WWOX: variants seen among roughly 807,000 people sequenced by gnomAD.
WWOX encodes WW domain-containing oxidoreductase.
WWOX carries 69 observed loss-of-function variants against 46.2 expected under a neutral mutation model. The ratio of observed to expected loss-of-function variants is 1.49; its 90% confidence interval spans 1.23 to 1.82. The LOEUF (loss-of-function observed/expected upper bound fraction) is 1.82, where lower values mean the gene tolerates loss of function less well. Among genes scored for constraint, WWOX ranks in the 40% most tolerant of loss-of-function variants. The probability of loss-of-function intolerance (pLI) is 0.00; values close to 1 mark genes in which losing one functional copy is unlikely to be tolerated. For missense variants in WWOX, 919 were observed against 542.6 expected, an observed-to-expected ratio of 1.69 and a Z score of -6.89; for synonymous variants, 359 against 202.6, an observed-to-expected ratio of 1.77 and a Z score of -6.56.
intron 8 of WWOX, chr16:79,078,078 A>T (rs1567534531): frequency 6.6e-6 from 1 of 151,954 alleles, no homozygotes; most frequent in African/African-American, 2.4e-5. Flanking sequence ...CCCTCCCCAG[A>T]TTTTTTTTAG....
chr16:78,188,801 A>C (rs1232976668), intron 5 of WWOX, among the ~76,000 whole-genome samples: 1 of 152,140 alleles, frequency 6.6e-6, no homozygotes, highest in African/African-American at 2.4e-5. Flanking sequence ...AAATCGTATC[A>C]GTGGTTTTCC....
chr16:78,757,101 C>T (rs1183112513), intron 8 of WWOX: 3 of 693,092 alleles, frequency 4.3e-6, no homozygotes, highest in African/African-American at 3.5e-5. Flanking sequence ...TTGACTGGAA[C>T]TTTATTTGAG....
At chr16:78,385,608 C>G (rs11643643) in intron 5 of WWOX, among the ~76,000 whole-genome samples, 62,737 of 152,050 alleles carry the variant, frequency 0.41, 16,828 homozygotes, top group Non-Finnish European at 0.6. Context: ...GATAAACCAG[C>G]TGCAATTACG....
intron 8 of WWOX, among the ~76,000 whole-genome samples, chr16:78,466,693 C>A (rs934990081): frequency 2.0e-5 from 3 of 151,998 alleles, no homozygotes; most frequent in African/African-American, 7.2e-5. Context: ...ACTATAAATA[C>A]AAAAATTAGC....
At chr16:78,965,234 C>A (rs770707563) in intron 8 of WWOX, among the ~76,000 whole-genome samples, 2 of 152,150 alleles carry the variant, frequency 1.3e-5, no homozygotes, top group Admixed American at 1.3e-4. Context: ...GTAACAATTC[C>A]ACAGAGATAG....
intron 5 of WWOX, among the ~76,000 whole-genome samples, chr16:78,377,759 G>A (rs1013363036): frequency 6.6e-6 from 1 of 152,172 alleles, no homozygotes; most frequent in Non-Finnish European, 1.5e-5. Context: ...GCCAATTACT[G>A]TCTAAGCATT....
chr16:78,887,669 G>C (rs2044496781), intron 8 of WWOX, among the ~76,000 whole-genome samples: 1 of 152,120 alleles, frequency 6.6e-6, no homozygotes, highest in Non-Finnish European at 1.5e-5. Flanking sequence ...CCATAAAATA[G>C]TGCATTTGAA....
chr16:78,496,158 C>G (rs959472298), intron 8 of WWOX: 4 of 152,152 alleles, frequency 2.6e-5, no homozygotes, highest in Non-Finnish European at 5.9e-5. Context: ...GTTCAGATTC[C>G]CCTAAATCTT....
intron 4 of WWOX, among the ~76,000 whole-genome samples, chr16:78,157,208 C>T (rs577757199): frequency 6.6e-6 from 1 of 152,254 alleles, no homozygotes; most frequent in South Asian, 2.1e-4. Flanking sequence ...GTCCCGGGCT[C>T]CCAAATGCAG....
chr16:78,115,017 C>G lies in WWOX; in HGVS notation c.272C>G (p.Ala91Gly). The change falls in exon 4 of 9, where the codon GCG becomes GGG. Residue 91 changes from alanine (A) to glycine (G), a missense_variant. Transcript: ENST00000566780. ...ACCACCTACTTGGACCCAAGACTGGCGTTTACTGTGGATGATAATCCGACC... is the reference window on the plus strand; with the variant it reads ...ACCACCTACTTGGACCCAAGACTGGGGTTTACTGTGGATGATAATCCGACC... ...KRTTYLDPRL[A>G]FTVDDNPTKP... 6.2e-7 allele frequency: 1 copy of G among 1,614,190 alleles called. No individual in the cohort carries two copies. Among genetic ancestry groups the G allele is most frequent in the Non-Finnish European group, 8.5e-7 (1 of 1,180,044 alleles).
chr16:78,629,037 C>G (rs1032503647), intron 8 of WWOX, among the ~76,000 whole-genome samples: 6 of 152,056 alleles, frequency 3.9e-5, no homozygotes, highest in Admixed American at 2.0e-4. Context: ...GATTTTTAAC[C>G]CAATAGACCA....
At chr16:78,411,141 C>G (rs183800932) in intron 6 of WWOX, among the ~76,000 whole-genome samples, 1 of 152,136 alleles carries the variant, frequency 6.6e-6, no homozygotes, top group Non-Finnish European at 1.5e-5. Context: ...TAGTTAGAAA[C>G]AAATTCCTAG....
chr16:78,675,667 T>C (rs921292657), intron 8 of WWOX, among the ~76,000 whole-genome samples: 15 of 152,088 alleles, frequency 9.9e-5, no homozygotes, highest in Admixed American at 7.9e-4. Flanking sequence ...AAAAAATAAA[T>C]TAAATTTTTA....
At chr16:79,139,615 C>CT (rs1302171050) in intron 8 of WWOX, among the ~76,000 whole-genome samples, 2 of 151,520 alleles carry the variant, frequency 1.3e-5, no homozygotes, top group South Asian at 4.2e-4. Context: ...TCTTTCTTTT[C>CT]TTTTTTTAAG....
chr16:79,090,315 G>GTGTC (rs1214972335), intron 8 of WWOX, among the ~76,000 whole-genome samples: 2 of 150,644 alleles, frequency 1.3e-5, no homozygotes, highest in Non-Finnish European at 3.0e-5. Context: ...GTGTGTGTGT[G>GTGTC]TGTGATATAA....
At chr16:78,726,473 A>T (rs1021773278) in intron 8 of WWOX, among the ~76,000 whole-genome samples, 2 of 151,894 alleles carry the variant, frequency 1.3e-5, no homozygotes, top group African/African-American at 4.8e-5. Context: ...GCCTCAAGGG[A>T]TTCTCCTCCC....
chr16:78,261,440 T>G (rs1597415162), intron 5 of WWOX, among the ~76,000 whole-genome samples: 1 of 111,382 alleles, frequency 9.0e-6, no homozygotes, highest in Admixed American at 8.6e-5. Flanking sequence ...ATAAATATTT[T>G]GTAAAAGGTA....
intron 8 of WWOX, among the ~76,000 whole-genome samples, chr16:79,188,969 G>A (rs2051073857): frequency 6.6e-6 from 1 of 152,146 alleles, no homozygotes; most frequent in African/African-American, 2.4e-5. Context: ...TTTATTGCAT[G>A]CAAATCTATA....
intron 4 of WWOX, among the ~76,000 whole-genome samples, chr16:78,156,581 G>A (rs1398864971): frequency 1.3e-5 from 2 of 152,102 alleles, no homozygotes; most frequent in Admixed American, 6.6e-5. Flanking sequence ...GGCGAAATAC[G>A]GAGATTGGAG....
Sources: allele counts gnomAD v4.1 joint callset (sites outside exome capture counted in the v4.1 genomes callset), GRCh38; gene constraint gnomAD v4.1.1; transcripts MANE v1.5; gene names NCBI Gene and HGNC (gene_info 2026-07-23, HGNC 2026-07-21).